Variants in DNAI3 observed in about 807,000 individuals in gnomAD.
DNAI3 encodes dynein axonemal intermediate chain 3.
Under a neutral mutation model 115.5 loss-of-function variants are expected in DNAI3, and 83 were observed. The ratio of observed to expected loss-of-function variants is 0.72; its 90% CI spans 0.60 to 0.86. The LOEUF is 0.86. Among genes scored for constraint, DNAI3 ranks in the 40% least tolerant of loss-of-function variants. The pLI is 0.00. For synonymous variants in DNAI3, 320 were observed against 347.0 expected (o/e 0.92, Z 0.86); for missense variants, 1,004 against 1,075.8 (o/e 0.93, Z 0.93).
intron 12 of DNAI3, 69 bp downstream of exon 12, chr1:85,097,724 T>A: frequency 7.3e-7 from 1 of 1,362,394 alleles, no homozygotes; most frequent in Non-Finnish European, 1.0e-6. Context: ...GTACATAATA[T>A]AGTTGCCAAG....
Position 85,093,395 on chromosome 1 carries a change from T to C in DNAI3, c.858-63T>C, listed in dbSNP as rs1655036814. 4.1e-6 allele frequency: 6 copies of C among 1,467,262 alleles called. No homozygotes were observed. In the South Asian group the frequency reaches 6.1e-5, roughly 15 times the overall value. 90.9% of individuals were successfully genotyped at this position (1,467,262 alleles called of 1,614,324 possible). On this transcript the variant is annotated intron_variant, in intron 8 of 22. Transcript: ENST00000294664. ...AATGAAGGAGGAGGAGTTGCTAAGA[T>C]AGTCACATTATTGGATACTAAAAAC...
intron 13 of DNAI3, among the ~76,000 whole-genome samples, chr1:85,099,619 A>G (rs1264970057): frequency 1.3e-5 from 2 of 152,066 alleles, no homozygotes; most frequent in Non-Finnish European, 2.9e-5. Context: ...AGAATTGGAA[A>G]AAACTAAAGT....
At chr1:85,091,837 C>T (rs538068900) in intron 8 of DNAI3, among the ~76,000 whole-genome samples, 69 of 152,212 alleles carry the variant, frequency 4.5e-4, no homozygotes, top group African/African-American at 1.4e-3. Flanking sequence ...AGCAAGAAAC[C>T]GGAAACCAGA....
intron 16 of DNAI3, among the ~76,000 whole-genome samples, chr1:85,114,114 G>C (rs1037656153): frequency 6.7e-6 from 1 of 150,318 alleles, no homozygotes; most frequent in Non-Finnish European, 1.5e-5. Context: ...CTGAGTTCAG[G>C]TGATTCTCCT....
intron 13 of DNAI3, among the ~76,000 whole-genome samples, chr1:85,101,013 C>A (rs1482753232): frequency 6.6e-6 from 1 of 151,698 alleles, no homozygotes; most frequent in Non-Finnish European, 1.5e-5. Context: ...AGGAGATATA[C>A]CTAATGCTAA....
At chr1:85,072,142 A>C (rs1654294868) in intron 2 of DNAI3, 137 bp downstream of exon 2, 1 of 793,794 alleles carries the variant, frequency 1.3e-6, no homozygotes, top group African/African-American at 1.8e-5. Context: ...GAGGAATAAG[A>C]TATATGGAGA....
chr1:85,099,230 CAT>C (rs2100587271), intron 13 of DNAI3: 1 of 985,090 alleles, frequency 1.0e-6, no homozygotes, highest in Non-Finnish European at 1.2e-6. Flanking sequence ...AAGTTCCCCA[CAT>C]GTTTTCCTCA....
chr1:85,131,826 T>G (rs2100622521), intron 22 of DNAI3, among the ~76,000 whole-genome samples: 1 of 152,334 alleles, frequency 6.6e-6, no homozygotes, highest in South Asian at 2.1e-4. Context: ...AGTAGAATTG[T>G]GGATAATCCA....
chr1:85,084,344 A>G (rs1342590722), intron 5 of DNAI3, among the ~76,000 whole-genome samples: 1 of 146,524 alleles, frequency 6.8e-6, no homozygotes, highest in East Asian at 2.0e-4. Context: ...TTCTTTCTAT[A>G]TGCTTGATAC....
At chr1:85,112,989 G>A (rs547981985) in intron 16 of DNAI3, among the ~76,000 whole-genome samples, 7 of 152,236 alleles carry the variant, frequency 4.6e-5, no homozygotes, top group Non-Finnish European at 7.4e-5. Context: ...GGCTGGTCTC[G>A]AACTCCTGTC....
At chr1:85,084,255 TATATATATATATATATATATATACAC>T (rs1654723116) in intron 5 of DNAI3, among the ~76,000 whole-genome samples, 3 of 26,252 alleles carry the variant, frequency 1.1e-4, no homozygotes, top group Non-Finnish European at 2.8e-4. Flanking sequence ...AGTGTGTATA[TATATATATATATATATATATATACAC>T]ATCCATATGT....
At chr1:85,083,787 T>C (rs982583530) in intron 5 of DNAI3, among the ~76,000 whole-genome samples, 3 of 152,216 alleles carry the variant, frequency 2.0e-5, no homozygotes, top group Middle Eastern at 3.4e-3. Flanking sequence ...AATTCCATTT[T>C]CTTTACTCCT....
intron 17 of DNAI3, among the ~76,000 whole-genome samples, chr1:85,120,886 C>A (rs1655976362): frequency 6.6e-6 from 1 of 152,278 alleles, no homozygotes; most frequent in African/African-American, 2.4e-5. Flanking sequence ...GTGACCTTGT[C>A]CCCAGTGAGT....
intron 14 of DNAI3, among the ~76,000 whole-genome samples, chr1:85,105,349 A>C (rs1557719718): frequency 6.6e-6 from 1 of 152,198 alleles, no homozygotes; most frequent in Admixed American, 6.5e-5. Flanking sequence ...AAGGGAAAGA[A>C]ATAAGCTTAT....
chr1:85,094,409 T>C, intron 9 of DNAI3, 22 bp from the exon 10 acceptor site: 1 of 1,613,380 alleles, frequency 6.2e-7, no homozygotes, highest in Non-Finnish European at 8.5e-7. Context: ...CCAACTTTAA[T>C]TTCTACATGT....
intron 16 of DNAI3, among the ~76,000 whole-genome samples, chr1:85,112,149 T>A (rs1245191870): frequency 1.3e-5 from 2 of 152,116 alleles, no homozygotes; most frequent in African/African-American, 4.8e-5. Context: ...ACTCCTGGGC[T>A]CAAGCAATCC....
chr1:85,106,636 A>C (rs1655498631), intron 14 of DNAI3, among the ~76,000 whole-genome samples: 1 of 152,234 alleles, frequency 6.6e-6, no homozygotes, highest in Non-Finnish European at 1.5e-5. Flanking sequence ...AACTGTCTAC[A>C]AAGCTATAGT....
chr1:85,085,589 C>G (rs761534252), intron 6 of DNAI3, among the ~76,000 whole-genome samples: 17 of 152,192 alleles, frequency 1.1e-4, no homozygotes, highest in Admixed American at 2.0e-4. Context: ...CACCATTAGT[C>G]AAGATGAAAC....
chr1:85,129,923 CAG>C, intron 21 of DNAI3, 65 bp from the exon 22 acceptor site: 4 of 1,515,902 alleles, frequency 2.6e-6, no homozygotes, highest in East Asian at 2.3e-5. Context: ...GAAATTCTAA[CAG>C]AGCCTTGTAA....
Sources: allele counts gnomAD v4.1 joint callset (sites outside exome capture counted in the v4.1 genomes callset), GRCh38; gene constraint gnomAD v4.1.1; transcripts MANE v1.5; gene names NCBI Gene and HGNC (gene_info 2026-07-23, HGNC 2026-07-21).